The following EIF2B2 variants were observed in gnomAD, a reference collection of about 807,000 sequenced individuals.
The protein encoded by EIF2B2 is translation initiation factor eIF2B subunit beta.
EIF2B2 carries 34 observed loss-of-function variants against 34.7 expected under a neutral mutation model. The ratio of observed to expected loss-of-function variants is 0.98; its 90% CI spans 0.75 to 1.31. EIF2B2 has a LOEUF of 1.31. EIF2B2 is among the 50% of genes most tolerant of loss of function. EIF2B2 has a pLI of 0.00. For missense variants in EIF2B2, 361 were observed against 447.7 expected, an observed-to-expected ratio of 0.81 and a Z score of 1.75; for synonymous variants, 155 against 171.6, an observed-to-expected ratio of 0.90 and a Z score of 0.76.
At chr14:75,005,091 G>T in intron 4 of EIF2B2, 191 bp downstream of exon 4, 1 of 653,296 alleles carries the variant, frequency 1.5e-6, no homozygotes, top group African/African-American at 1.8e-5. Context: ...GTTTAAGAAA[G>T]TTGGGGCCGG....
At position 75,006,615 on chromosome 14, in the gene EIF2B2, C is replaced by T; in HGVS notation, c.732C>T (p.Ala244=). 6.2e-7 allele frequency: 1 copy of T among 1,614,144 alleles called. No individual in the cohort carries two copies. The highest frequency in any genetic ancestry group is 8.5e-7 in the Non-Finnish European group (1 of 1,180,034). Residue 244 remains alanine (A), a synonymous_variant, in exon 6 of 8, where the codon GCC becomes GCT. Coordinates refer to ENST00000266126, the MANE Select transcript of EIF2B2 (RefSeq NM_014239.4). This position sits in a 1 kb window ranked among gnomAD's most constrained non-coding sequence, Gnocchi z 4.1. ...CGAAGACCATCCTGGCCAATGGGGC[C>T]CTGAGAGCTGTGACAGGAACTCACA... ...IGTKTILANG[A]LRAVTGTHTL...
rs764926377 is a variant in EIF2B2, at chr14:75,004,690, T to TATATATATATATA, written c.434-47_434-46insATATATATATATA. 1.9e-4 allele frequency: 17 copies of TATATATATATATA among 90,582 alleles called. No homozygotes were observed. In the Admixed American group the frequency reaches 6.2e-3, roughly 33 times the overall value. 5.6% of individuals were successfully genotyped at this position (90,582 alleles called of 1,614,324 possible). A position where few individuals can be genotyped will look rare whatever the true frequency, so the allele number is the denominator to read the frequency against. On this transcript the variant is annotated intron_variant, in intron 3 of 7. Transcript: ENST00000266126. ...TCATATATATATATATATATATATA[T>TATATATATATATA]TTTTTTTTTTTTTTTTTTTTTTTTT...
Position 75,006,627 on chromosome 14 carries a change from G to A in EIF2B2, c.744G>A (p.Val248=). ...TGGCCAATGGGGCCCTGAGAGCTGTGACAGGAACTCACACTCTGGCACTGG... is the reference window on the plus strand; with the variant it reads ...TGGCCAATGGGGCCCTGAGAGCTGTAACAGGAACTCACACTCTGGCACTGG... The part of the protein sequence containing the change: ...TILANGALRA[V]TGTHTLALAA... Residue 248 remains valine (V), a synonymous_variant, in exon 6 of 8, where the codon GTG becomes GTA. Coordinates refer to ENST00000266126, the MANE Select transcript of EIF2B2 (RefSeq NM_014239.4). The surrounding 1 kb of genome is among the most constrained non-coding windows in gnomAD (Gnocchi z 4.1). 6.2e-7 allele frequency: 1 copy of A among 1,614,150 alleles called. No individual in the cohort carries two copies. The highest frequency in any genetic ancestry group is 8.5e-7 in the Non-Finnish European group (1 of 1,180,030).
chr14:75,007,409 A>G (rs1290386602), intron 6 of EIF2B2: 1 of 352,586 alleles, frequency 2.8e-6, no homozygotes, highest in African/African-American at 2.1e-5. Flanking sequence ...AAAAGGAATC[A>G]TATAATATGT....
intron 6 of EIF2B2, chr14:75,007,265 C>T (rs1224480031): frequency 2.8e-6 from 1 of 360,552 alleles, no homozygotes; most frequent in Non-Finnish European, 5.4e-6. Flanking sequence ...TGTACAACCA[C>T]CACTCTCTAG....
At chr14:75,003,491 C>G (rs967630584) in intron 2 of EIF2B2, 60 bp from the exon 3 acceptor site, 57 of 1,613,950 alleles carry the variant, frequency 3.5e-5, no homozygotes, top group Non-Finnish European at 4.8e-5. Context: ...CTGAACAGCC[C>G]TTGTTACCTG....
In EIF2B2 at chr14:75,006,691, C is replaced by T. The variant is rs1221192923; in HGVS notation, c.808C>T (p.Pro270Ser). ...TTCCACCCCACTCATCGTCTGTGCA[C>T]CTATGTTCAAACTTTCTCCACAGGT... is the stretch of plus-strand genomic sequence containing the variant. Reference protein sequence around the residue: ...HHSTPLIVCAPMFKLSPQFPN... With the variant: ...HHSTPLIVCASMFKLSPQFPN... Residue 270 changes from proline to serine, a missense_variant, in exon 6 of 8, where the codon CCT becomes TCT. Pro to Ser is a moderately conservative substitution (Grantham distance 74). Coordinates refer to ENST00000266126, the MANE Select transcript of EIF2B2 (RefSeq NM_014239.4). The surrounding 1 kb of genome is among the most constrained non-coding windows in gnomAD (Gnocchi z 4.1). 12 of 1,614,072 alleles carry T rather than the reference C, an allele frequency of 7.4e-6. No homozygotes were observed. The highest frequency in any genetic ancestry group is 5.0e-5 in the Admixed American group (3 of 60,004).
intron 3 of EIF2B2, 52 bp from the exon 4 acceptor site, chr14:75,004,685 A>ATCTTTT (rs1566872885): frequency 7.7e-6 from 1 of 129,988 alleles, no homozygotes; most frequent in South Asian, 1.7e-4. Context: ...ATATATATAT[A>ATCTTTT]TATATTTTTT....
intron 3 of EIF2B2, 150 bp downstream of exon 3, chr14:75,003,849 A>G: frequency 8.1e-7 from 1 of 1,227,432 alleles, no homozygotes; most frequent in Non-Finnish European, 1.2e-6. Flanking sequence ...GAAATGTTGC[A>G]ACAGGTGACA....
intron 6 of EIF2B2, 52 bp from the exon 7 acceptor site, chr14:75,007,670 C>A: frequency 7.0e-7 from 1 of 1,424,448 alleles, no homozygotes; most frequent in Non-Finnish European, 9.9e-7. Context: ...GGGTACATAC[C>A]TAGGAGTGGA....
chr14:75,007,759 C>T lies in EIF2B2; in HGVS notation c.869C>T (p.Ala290Val), dbSNP rs1889648740. 1.2e-6 allele frequency: 2 copies of T among 1,613,832 alleles called. No individual in the cohort carries two copies. The highest frequency in any genetic ancestry group is 1.7e-5 in the Admixed American group (1 of 59,992). ...NEEDSFHKFV[A>V]PEEVLPFTEG... is the part of the protein sequence containing the mutation. ...GAAGACTCATTTCATAAGTTTGTGGCTCCTGAAGAAGTCCTGCCATTCACA... is the reference window on the plus strand; with the variant it reads ...GAAGACTCATTTCATAAGTTTGTGGTTCCTGAAGAAGTCCTGCCATTCACA... The change falls in exon 7 of 8, where the codon GCT (alanine) becomes GTT (valine). Residue 290 changes from alanine (A) to valine (V), a missense_variant. By Grantham distance (64) the Ala-to-Val change is moderately conservative. Transcript: ENST00000266126.
chr14:75,005,099 C>T lies in EIF2B2; in HGVS notation c.597+199C>T, dbSNP rs12894419. On this transcript the variant is annotated intron_variant, in intron 4 of 7. Coordinates refer to ENST00000266126, the MANE Select transcript of EIF2B2 (RefSeq NM_014239.4). ...AATAGTGGTTTAAGAAAGTTGGGGC[C>T]GGGAGCGATGGCTCATGCCTGTAAT... The T allele has an allele frequency of 0.53, 313,050 of 594,386 alleles. 88,186 individuals are homozygous for T. The highest frequency in any genetic ancestry group is 0.83 in the East Asian group (24,180 of 28,990). The allele number at this position is 594,386 out of a possible 1,614,324, so 36.8% of individuals were successfully genotyped here.
chr14:75,003,602 G>A lies in EIF2B2; in HGVS notation c.336G>A (p.Leu112=), dbSNP rs1321564012. The change falls in exon 3 of 8, where the codon CTG becomes CTA. Residue 112 remains leucine, a synonymous_variant. Transcript: ENST00000266126. ...ESDQQESLHK[L]LTSGGLNEDF... ...ATCAGCAGGAGTCCCTGCACAAACT[G>A]TTGACATCCGGAGGCCTAAACGAGG... is the stretch of plus-strand genomic sequence containing the variant. The A allele has an allele frequency of 6.2e-7, 1 of 1,614,184 alleles. No homozygotes were observed. The highest frequency in any genetic ancestry group is 8.5e-7 in the Non-Finnish European group (1 of 1,180,038).
chr14:75,009,677 T>C lies in EIF2B2; in HGVS notation c.*489T>C. ...TTTTTTGTGTTTGCATAGAGGGCTG[T>C]AGTTAGCGGGAAAAGTGTACAACAT... On this transcript the variant is annotated 3_prime_UTR_variant, in exon 8 of 8. Coordinates refer to ENST00000266126, the MANE Select transcript of EIF2B2 (RefSeq NM_014239.4). 1 of 216,412 alleles carries C rather than the reference T, an allele frequency of 4.6e-6. No homozygotes were observed. The highest frequency in any genetic ancestry group is 9.3e-6 in the Non-Finnish European group (1 of 106,974). 13.4% of individuals were successfully genotyped at this position (216,412 alleles called of 1,614,324 possible).
chr14:75,007,122 T>C (rs1566873809), intron 6 of EIF2B2: 1 of 462,482 alleles, frequency 2.2e-6, no homozygotes, highest in Non-Finnish European at 4.3e-6. Context: ...TCATCAGTGA[T>C]AGAAGCTATT....
At chr14:75,005,632 C>G (rs879068777) in intron 4 of EIF2B2, among the ~76,000 whole-genome samples, 1 of 152,182 alleles carries the variant, frequency 6.6e-6, no homozygotes, top group East Asian at 1.9e-4. Context: ...TTTATGGCTG[C>G]TCTGGTGCTG....
rs1566874752 is a variant in EIF2B2 at position 75,010,399 on chromosome 14, G to A, written c.*1211G>A. ...ATAGCCTAAGTGTCCAGCAATAGGA[G>A]AAAGGTTAAGTATTGACAGTTACAC... On this transcript the variant is annotated 3_prime_UTR_variant, in exon 8 of 8. Transcript: ENST00000266126. 6.6e-6 allele frequency: 1 copy of A among 152,228 alleles called. No individual in the cohort carries two copies. Among genetic ancestry groups the A allele is most frequent in the East Asian group, 1.9e-4 (1 of 5,206 alleles). The allele number at this position is 152,228 out of a possible 1,614,324, so 9.4% of individuals were successfully genotyped here. A position where few individuals can be genotyped will look rare whatever the true frequency, so the allele number is the denominator to read the frequency against.
At chr14:75,007,013 A>G in intron 6 of EIF2B2, 1 of 539,928 alleles carries the variant, frequency 1.9e-6, no homozygotes, top group South Asian at 1.5e-5. Flanking sequence ...TGAAAATGCC[A>G]AGCAGGTTGA....
intron 3 of EIF2B2, among the ~76,000 whole-genome samples, 194 bp from the exon 4 acceptor site, chr14:75,004,543 T>G (rs949526922): frequency 6.6e-6 from 1 of 151,248 alleles, no homozygotes; most frequent in Non-Finnish European, 1.5e-5. Context: ...AAAAAGAAAT[T>G]GTGACATTTC....
Sources: allele counts gnomAD v4.1 joint callset (sites outside exome capture counted in the v4.1 genomes callset), GRCh38; gene constraint gnomAD v4.1.1; non-coding constraint Gnocchi (gnomAD v3.1); transcripts MANE v1.5; gene names NCBI Gene and HGNC (gene_info 2026-07-23, HGNC 2026-07-21).